The following PDPK1 variants were observed in gnomAD, a reference collection of about 807,000 sequenced individuals.
PDPK1 encodes 3-phosphoinositide dependent protein kinase 1.
A neutral mutation model predicts 39.8 loss-of-function variants in PDPK1; 7 were observed. That is an observed-to-expected ratio of 0.18 (90% CI 0.10 to 0.33). The LOEUF is 0.33. PDPK1 is among the 10% of genes least tolerant of loss of function. The pLI is 1.00. For synonymous variants in PDPK1, 118 were observed against 159.1 expected (o/e 0.74, Z 1.95); for missense variants, 182 against 384.7 (o/e 0.47, Z 4.41).
intron 1 of PDPK1, among the ~76,000 whole-genome samples, chr16:2,540,399 G>A (rs1475654507): frequency 6.6e-6 from 1 of 152,164 alleles, no homozygotes; most frequent in Non-Finnish European, 1.5e-5. Context: ...GGTAGGTGTT[G>A]TTCCCATTTT....
At chr16:2,556,645 C>A (rs2066501669) in intron 1 of PDPK1, among the ~76,000 whole-genome samples, 1 of 141,660 alleles carries the variant, frequency 7.1e-6, no homozygotes, top group African/African-American at 2.8e-5. Flanking sequence ...GGATTACAGG[C>A]CTGAGCCACT....
At chr16:2,552,121 A>C (rs2066426158) in intron 1 of PDPK1, among the ~76,000 whole-genome samples, 1 of 151,092 alleles carries the variant, frequency 6.6e-6, no homozygotes, top group South Asian at 2.1e-4. Flanking sequence ...GGCACACGCC[A>C]CTATGCCTGG....
At position 2,538,083 on chromosome 16, in the gene PDPK1, G is replaced by C. The variant is rs1042538804; in HGVS notation, c.-30G>C. ...GAGGCGCCGAGCCGCGCAGCGCTGC[G>C]GGGGAGGCGCCCGCGCCGACGCGGG... is the stretch of plus-strand genomic sequence containing the variant. On this transcript the variant is annotated 5_prime_UTR_variant, in exon 1 of 14. Coordinates refer to ENST00000342085, the MANE Select transcript of PDPK1 (RefSeq NM_002613.5). The C allele has an allele frequency of 1.1e-4, 111 of 1,040,290 alleles. No individual in the cohort carries two copies. Among genetic ancestry groups the C allele is most frequent in the Admixed American group, 4.5e-4 (8 of 17,934 alleles). 64.4% of individuals were successfully genotyped at this position (1,040,290 alleles called of 1,614,324 possible).
chr16:2,546,106 T>A (rs1161896375), intron 1 of PDPK1, among the ~76,000 whole-genome samples: 2 of 151,982 alleles, frequency 1.3e-5, no homozygotes, highest in Non-Finnish European at 2.9e-5. Flanking sequence ...TTTTTCAAGA[T>A]GGAGTCTCAC....
chr16:2,599,721 G>A lies in PDPK1; in HGVS notation c.*1954G>A, dbSNP rs147975625. 0.093 allele frequency: 21,148 copies of A among 227,544 alleles called. No individual in the cohort carries two copies. The highest frequency in any genetic ancestry group is 0.15 in the Middle Eastern group (111 of 750). 14.1% of individuals were successfully genotyped at this position (227,544 alleles called of 1,614,324 possible). A position where few individuals can be genotyped will look rare whatever the true frequency, so the allele number is the denominator to read the frequency against. On this transcript the variant is annotated 3_prime_UTR_variant, in exon 14 of 14. Transcript: ENST00000342085. Reference sequence around the variant, plus strand: ...TGTTCAGGCTTCCTCCTCCTCATCAGCTATTTTACCCATCTCAGAACGTCC... The same window carrying A: ...TGTTCAGGCTTCCTCCTCCTCATCAACTATTTTACCCATCTCAGAACGTCC...
chr16:2,556,357 ATTTTTTTTTTTTTTT>A (rs1174100741), intron 1 of PDPK1, among the ~76,000 whole-genome samples: 2 of 86,236 alleles, frequency 2.3e-5, no homozygotes, highest in Non-Finnish European at 4.5e-5. Context: ...CGCCCGGCCT[ATTTTTTTTTTTTTTT>A]TTTTTTTTTG....
At chr16:2,589,042 G>A (rs1380241868) in intron 11 of PDPK1, among the ~76,000 whole-genome samples, 6 of 152,078 alleles carry the variant, frequency 3.9e-5, no homozygotes, top group Admixed American at 1.3e-4. Context: ...CACAACCTCC[G>A]CCTCCTGGGT....
Position 2,600,025 on chromosome 16 carries a change from C to T in PDPK1, c.*2258C>T, listed in dbSNP as rs534714693. On this transcript the variant is annotated 3_prime_UTR_variant, in exon 14 of 14. Coordinates refer to ENST00000342085, the MANE Select transcript of PDPK1 (RefSeq NM_002613.5). ...TGCCTGAGCTGACAGCCAAGCCCTT[C>T]TGTGGGTCACCTTTCTCCTCACCCA... The T allele has an allele frequency of 3.1e-3, 723 of 233,266 alleles. 5 individuals carry two copies. Among genetic ancestry groups the T allele is most frequent in the Middle Eastern group, 8.9e-3 (7 of 786 alleles). The allele number at this position is 233,266 out of a possible 1,614,324, so 14.4% of individuals were successfully genotyped here.
At chr16:2,551,504 G>C (rs955672635) in intron 1 of PDPK1, among the ~76,000 whole-genome samples, 1 of 150,668 alleles carries the variant, frequency 6.6e-6, no homozygotes, top group East Asian at 2.0e-4. Flanking sequence ...GTGTGCGGGC[G>C]CTGGCTCTAC....
rs111905533 is a variant in PDPK1, at chr16:2,597,819, G to A, written c.*52G>A. ...GCTGCCAGGACACCTGCCCCAGCGC[G>A]GCTTGGCCGCCATCCGGGACGCTTC... On this transcript the variant is annotated 3_prime_UTR_variant, in exon 14 of 14. Coordinates refer to ENST00000342085, the MANE Select transcript of PDPK1 (RefSeq NM_002613.5). The surrounding 1 kb of genome is among the most constrained non-coding windows in gnomAD (Gnocchi z 6.3). 62 of 1,302,120 alleles carry A rather than the reference G, an allele frequency of 4.8e-5. No individual in the cohort carries two copies. Among genetic ancestry groups the A allele is most frequent in the African/African-American group, 2.8e-4 (19 of 68,882 alleles). 80.7% of individuals were successfully genotyped at this position (1,302,120 alleles called of 1,614,324 possible). A position where few individuals can be genotyped will look rare whatever the true frequency, so the allele number is the denominator to read the frequency against.
At chr16:2,586,640 G>A (rs369702222) in intron 10 of PDPK1, 36 bp from the exon 11 acceptor site, 1 of 1,581,982 alleles carries the variant, frequency 6.3e-7, no homozygotes, top group Non-Finnish European at 8.7e-7. Context: ...AGAGGCAAGT[G>A]AAGGTGCGGT....
chr16:2,585,136 G>A (rs1414303065), intron 10 of PDPK1, among the ~76,000 whole-genome samples: 1 of 152,218 alleles, frequency 6.6e-6, no homozygotes, highest in Non-Finnish European at 1.5e-5. Flanking sequence ...CTCTGAGTGT[G>A]GGGGTGTGTG....
In PDPK1 at chr16:2,601,773, C is replaced by A. The variant is rs1181588130; in HGVS notation, c.*4006C>A. Reference sequence around the variant, plus strand: ...CCAGGCTGGCTTTTTCATTGTAGGGCGTGGTTGTCCCAGCTGGTGTAGATT... The same window carrying A: ...CCAGGCTGGCTTTTTCATTGTAGGGAGTGGTTGTCCCAGCTGGTGTAGATT... On this transcript the variant is annotated 3_prime_UTR_variant, in exon 14 of 14. Coordinates refer to ENST00000342085, the MANE Select transcript of PDPK1 (RefSeq NM_002613.5). 2 of 207,116 alleles carry A rather than the reference C, an allele frequency of 9.7e-6. No homozygotes were observed. The highest frequency in any genetic ancestry group is 1.5e-4 in the East Asian group (2 of 13,394). The allele number at this position is 207,116 out of a possible 1,614,324, so 12.8% of individuals were successfully genotyped here. A position where few individuals can be genotyped will look rare whatever the true frequency, so the allele number is the denominator to read the frequency against.
chr16:2,560,011 G>A (rs1251086896), intron 2 of PDPK1, among the ~76,000 whole-genome samples: 1 of 150,708 alleles, frequency 6.6e-6, no homozygotes, highest in Non-Finnish European at 1.5e-5. Context: ...TTCCAGGGGA[G>A]GGGGAAAGGA....
chr16:2,573,822 T>C (rs2066680011), intron 6 of PDPK1, among the ~76,000 whole-genome samples: 1 of 94,506 alleles, frequency 1.1e-5, no homozygotes. Context: ...GAGACGGAAT[T>C]TCGCTCTTGT....
chr16:2,588,565 C>G (rs373035762), intron 11 of PDPK1, among the ~76,000 whole-genome samples: 1 of 152,118 alleles, frequency 6.6e-6, no homozygotes, highest in East Asian at 1.9e-4. Context: ...CCTTGGGGTC[C>G]GTCTGGGTAC....
Position 2,597,411 on chromosome 16 carries a change from C to A in PDPK1, c.1554+136C>A. The A allele has an allele frequency of 1.2e-6, 1 of 824,610 alleles. No homozygotes were observed. The highest frequency in any genetic ancestry group is 2.0e-6 in the Non-Finnish European group (1 of 510,764). 51.1% of individuals were successfully genotyped at this position (824,610 alleles called of 1,614,324 possible). A position where few individuals can be genotyped will look rare whatever the true frequency, so the allele number is the denominator to read the frequency against. ...GCCTCGCCCTTTCCGACATCCCAGA[C>A]GCCCACACTAGTGGCTCAGTCCTGA... is the stretch of plus-strand genomic sequence containing the variant. On this transcript the variant is annotated intron_variant, in intron 13 of 13. Transcript: ENST00000342085. This position sits in a 1 kb window ranked among gnomAD's most constrained non-coding sequence, Gnocchi z 6.3.
chr16:2,596,666 A>C (rs1254851588), intron 12 of PDPK1, among the ~76,000 whole-genome samples: 2 of 152,240 alleles, frequency 1.3e-5, no homozygotes, highest in Non-Finnish European at 2.9e-5. Context: ...TTTCAGTATG[A>C]TTAGACAGAA....
intron 11 of PDPK1, chr16:2,592,824 G>C (rs1410736620): frequency 8.8e-6 from 4 of 456,310 alleles, no homozygotes; most frequent in African/African-American, 2.0e-5. Context: ...ATGCACCCTG[G>C]GCCACCGGGG....
Sources: allele counts gnomAD v4.1 joint callset (sites outside exome capture counted in the v4.1 genomes callset), GRCh38; gene constraint gnomAD v4.1.1; non-coding constraint Gnocchi (gnomAD v3.1); transcripts MANE v1.5; gene names NCBI Gene and HGNC (gene_info 2026-07-23, HGNC 2026-07-21).